The following MAST2 variants were observed in gnomAD, a reference collection of about 807,000 sequenced individuals.
MAST2 encodes microtubule associated serine/threonine kinase 2, also known as microtubule-associated serine/threonine-protein kinase 2.
MAST2 carries 70 observed loss-of-function variants against 147.4 expected under a neutral mutation model. The observed-to-expected ratio is 0.47, with a 90% CI of 0.39 to 0.58. The LOEUF (loss-of-function observed/expected upper bound fraction) is 0.58. MAST2 is among the 20% of genes least tolerant of loss of function. MAST2 has a pLI of 0.00. For synonymous variants in MAST2, 869 were observed against 896.8 expected, an observed-to-expected ratio of 0.97 and a Z score of 0.55; for missense variants, 2,080 against 2,302.3, an observed-to-expected ratio of 0.90 and a Z score of 1.98.
intron 4 of MAST2, among the ~76,000 whole-genome samples, chr1:45,905,951 A>G (rs1557889781): frequency 6.6e-6 from 1 of 152,174 alleles, no homozygotes; most frequent in Non-Finnish European, 1.5e-5. Flanking sequence ...CCACGTCCAC[A>G]TCAAAACTTG....
intron 4 of MAST2, among the ~76,000 whole-genome samples, chr1:45,911,839 TTATTATTATTGTTA>T (rs1651698866): frequency 7.0e-6 from 1 of 143,862 alleles, no homozygotes; most frequent in Non-Finnish European, 1.5e-5. Context: ...TGTTATGTCA[TTATTATTATTGTTA>T]TATTATTATT....
rs748271664 is a variant in MAST2, at chr1:46,032,179, A to C, written c.3189A>C (p.Glu1063Asp). 3 of 1,613,906 alleles carry C rather than the reference A, an allele frequency of 1.9e-6. No homozygotes were observed. The highest frequency in any genetic ancestry group is 2.2e-5 in the South Asian group (2 of 91,072). Residue 1063 changes from glutamate (E) to aspartate (D), a missense_variant and splice_region_variant, in exon 25 of 29, where the codon GAA becomes GAC. This residue lies in a region of MAST2 where 1,278 missense variants were observed against 1,304.2 expected (regional missense o/e 0.98). Transcript: ENST00000361297. ...AAGTCCTGGCTTCTCCTTCTCCAGAACACCACACCTGCTCCCCGTTGGCCA... is the reference window on the plus strand; with the variant it reads ...AAGTCCTGGCTTCTCCTTCTCCAGACCACCACACCTGCTCCCCGTTGGCCA... ...ATALSLLIPS[E>D]HHTCSPLASP...
chr1:46,019,759 C>G, intron 11 of MAST2, 62 bp downstream of exon 11: 1 of 1,382,602 alleles, frequency 7.2e-7, no homozygotes, highest in Non-Finnish European at 1.0e-6. Flanking sequence ...AGGAAGTATC[C>G]TGATGACAGC....
intron 3 of MAST2, among the ~76,000 whole-genome samples, chr1:45,865,636 T>TCTAC (rs765910504): frequency 6.9e-4 from 105 of 152,286 alleles, no homozygotes; most frequent in Admixed American, 3.2e-3. Flanking sequence ...CGTCTGTCTG[T>TCTAC]CTACCTACCT....
chr1:45,835,907 A>AT (rs1645088695), intron 3 of MAST2, among the ~76,000 whole-genome samples: 1 of 152,012 alleles, frequency 6.6e-6, no homozygotes, highest in South Asian at 2.1e-4. Flanking sequence ...TGCTTTCAAG[A>AT]TTTTTCTGCA....
chr1:46,029,358 G>A (rs1571278007), intron 18 of MAST2, 108 bp from the exon 19 acceptor site: 2 of 838,616 alleles, frequency 2.4e-6, no homozygotes, highest in East Asian at 5.2e-5. Flanking sequence ...AGGGGCTCCA[G>A]GCTGGGTCCT....
intron 4 of MAST2, among the ~76,000 whole-genome samples, chr1:45,896,765 A>T (rs953542016): frequency 6.6e-6 from 1 of 152,196 alleles, no homozygotes; most frequent in Non-Finnish European, 1.5e-5. Flanking sequence ...TCATAACACC[A>T]CAGGTCACCC....
chr1:45,942,094 G>T (rs1339034029), intron 4 of MAST2, among the ~76,000 whole-genome samples: 1 of 151,658 alleles, frequency 6.6e-6, no homozygotes, highest in Non-Finnish European at 1.5e-5. Context: ...ACCCCAAGAG[G>T]TTTGCCAACC....
At chr1:45,918,463 A>G (rs1376419585) in intron 4 of MAST2, among the ~76,000 whole-genome samples, 1 of 152,122 alleles carries the variant, frequency 6.6e-6, no homozygotes, top group African/African-American at 2.4e-5. Flanking sequence ...TTTGAGATAG[A>G]GTTTCGCTCT....
At position 46,029,609 on chromosome 1, in the gene MAST2, G is replaced by C. The variant is rs756951871; in HGVS notation, c.2320+42G>C. 9 of 1,572,720 alleles carry C rather than the reference G, an allele frequency of 5.7e-6. No homozygotes were observed. The Admixed American group carries it at 1.6e-4, about 27-fold the overall frequency. On this transcript the variant is annotated intron_variant, in intron 19 of 28. Coordinates refer to ENST00000361297, the MANE Select transcript of MAST2 (RefSeq NM_015112.3). ...TAACTTTTCTCACTACTTGGAAAAG[G>C]GGTAAGGGAGGCTGAGTCATGTACC...
intron 16 of MAST2, among the ~76,000 whole-genome samples, chr1:46,026,669 G>A (rs1646426777): frequency 6.6e-6 from 1 of 152,120 alleles, no homozygotes; most frequent in African/African-American, 2.4e-5. Context: ...GGGGTAGTGT[G>A]GGGAAGTATA....
At chr1:45,805,494 C>A (rs543255520) in intron 1 of MAST2, among the ~76,000 whole-genome samples, 6 of 152,328 alleles carry the variant, frequency 3.9e-5, no homozygotes, top group Non-Finnish European at 7.4e-5. Context: ...TTTACTCCCC[C>A]ATGTGCCTAA....
At chr1:45,951,892 A>C (rs1658981815) in intron 4 of MAST2, among the ~76,000 whole-genome samples, 1 of 152,246 alleles carries the variant, frequency 6.6e-6, no homozygotes. Flanking sequence ...ATAATGACTG[A>C]GACCTTCCAG....
At chr1:45,854,867 T>G (rs1439133745) in intron 3 of MAST2, among the ~76,000 whole-genome samples, 1 of 152,218 alleles carries the variant, frequency 6.6e-6, no homozygotes, top group Non-Finnish European at 1.5e-5. Context: ...CAGTCCTAGC[T>G]GGTTTTACCT....
chr1:45,969,831 A>G (rs1188497638), intron 5 of MAST2, among the ~76,000 whole-genome samples: 2 of 152,178 alleles, frequency 1.3e-5, no homozygotes, highest in African/African-American at 2.4e-5. Context: ...GGTCCATGGA[A>G]AAATTATCTG....
intron 6 of MAST2, among the ~76,000 whole-genome samples, chr1:46,001,833 C>A (rs1645287242): frequency 6.6e-6 from 1 of 152,182 alleles, no homozygotes; most frequent in East Asian, 1.9e-4. Flanking sequence ...CTTGAACAAA[C>A]CACCCAAATC....
chr1:45,969,696 C>G (rs559009334), intron 5 of MAST2, among the ~76,000 whole-genome samples: 49 of 151,970 alleles, frequency 3.2e-4, no homozygotes, highest in Middle Eastern at 6.8e-3. Flanking sequence ...CCCACTGATT[C>G]TATATTATGG....
chr1:46,007,540 G>A (rs536361616), intron 8 of MAST2, among the ~76,000 whole-genome samples: 2 of 152,294 alleles, frequency 1.3e-5, no homozygotes, highest in East Asian at 3.9e-4. Context: ...CAGTACAGCA[G>A]GCAAAACATG....
chr1:45,990,999 T>C (rs1371318804), intron 5 of MAST2, among the ~76,000 whole-genome samples: 2 of 152,208 alleles, frequency 1.3e-5, no homozygotes, highest in Admixed American at 1.3e-4. Flanking sequence ...ACAAGTTTTA[T>C]CGTTTTTTGT....
Sources: allele counts gnomAD v4.1 joint callset (sites outside exome capture counted in the v4.1 genomes callset), GRCh38; gene constraint gnomAD v4.1.1; regional missense constraint gnomAD v4.1.1; transcripts MANE v1.5; gene names NCBI Gene and HGNC (gene_info 2026-07-23, HGNC 2026-07-21).